Variants in ITGA8 observed in about 807,000 individuals in gnomAD.
ITGA8 encodes the protein integrin alpha-8.
ITGA8 carries 91 observed loss-of-function variants against 142.3 expected under a neutral mutation model. The observed-to-expected ratio is 0.64, with a 90% CI of 0.54 to 0.76. ITGA8 has a LOEUF of 0.76. ITGA8 is among the 30% of genes least tolerant of loss of function. The pLI is 0.00. For missense variants in ITGA8, 1,406 were observed against 1,327.7 expected, an observed-to-expected ratio of 1.06 and a Z score of -0.92; for synonymous variants, 505 against 485.2, an observed-to-expected ratio of 1.04 and a Z score of -0.54.
At chr10:15,612,582 C>T (rs1311280418) in intron 15 of ITGA8, among the ~76,000 whole-genome samples, 1 of 152,302 alleles carries the variant, frequency 6.6e-6, no homozygotes, top group Non-Finnish European at 1.5e-5. Context: ...GTGTTATAGT[C>T]AAGTTCCATC....
intron 25 of ITGA8, among the ~76,000 whole-genome samples, chr10:15,567,312 A>T (rs867348498): frequency 2.0e-5 from 3 of 152,180 alleles, no homozygotes; most frequent in Admixed American, 1.3e-4. Context: ...CCCATCAAAT[A>T]AGAAAATTGA....
chr10:15,582,080 C>T (rs142349353), intron 23 of ITGA8, among the ~76,000 whole-genome samples: 355 of 152,130 alleles, frequency 2.3e-3, no homozygotes, highest in African/African-American at 8.4e-3. Flanking sequence ...CTCCACAAAA[C>T]GTTTAAACAT....
chr10:15,673,808 A>G (rs890296445), intron 6 of ITGA8, among the ~76,000 whole-genome samples: 4 of 149,108 alleles, frequency 2.7e-5, no homozygotes, highest in Non-Finnish European at 4.4e-5. Context: ...TTGACGTGAT[A>G]AGAACTTTGG....
intron 13 of ITGA8, among the ~76,000 whole-genome samples, chr10:15,638,314 A>G (rs534068190): frequency 4.6e-5 from 7 of 152,324 alleles, no homozygotes; most frequent in South Asian, 4.1e-4. Flanking sequence ...CACATAAAAC[A>G]TCACAATCAG....
chr10:15,586,729 TA>T (rs1832839480), intron 22 of ITGA8, 65 bp from the exon 23 acceptor site: 1 of 927,294 alleles, frequency 1.1e-6, no homozygotes, highest in Admixed American at 1.8e-5. Flanking sequence ...TATATGATCA[TA>T]AAAAACATTC....
chr10:15,592,255 A>C lies in ITGA8; in HGVS notation c.2261T>G (p.Met754Arg), dbSNP rs1832936644. ...GATTTGGAGATCGAAGTTAATGCTC[A>C]TGTTTGTTTTCTCAAGACGTGGAAC... The part of the protein sequence containing the change: ...FAVPRLEKTN[M>R]SINFDLQIRS... Residue 754 changes from methionine (M) to arginine (R), a missense_variant, in exon 22 of 30, where the codon ATG becomes AGG. Coordinates refer to ENST00000378076, the MANE Select transcript of ITGA8 (RefSeq NM_003638.3). 1.9e-6 allele frequency: 3 copies of C among 1,613,876 alleles called. No homozygotes were observed. Among genetic ancestry groups the C allele is most frequent in the African/African-American group, 1.3e-5 (1 of 75,038 alleles).
rs559202401 is a variant in ITGA8, at chr10:15,680,850, G to C, written c.569-2067C>G. 4.0e-5 allele frequency among the ~76,000 whole-genome samples: 6 copies of C among 151,640 alleles called. No homozygotes were observed. In the South Asian group the frequency reaches 1.3e-3, roughly 32 times the overall value. On this transcript the variant is annotated intron_variant, in intron 4 of 29. Coordinates refer to ENST00000378076, the MANE Select transcript of ITGA8 (RefSeq NM_003638.3). ...TATTGTAAGTGGCAATTATAATAGA[G>C]TGTGAGGTTCTTTCCATTGCAAAGT...
rs777220160 is a variant in ITGA8 at position 15,607,781 on chromosome 10, T to C, written c.1660A>G (p.Lys554Glu). 9 of 1,611,378 alleles carry C rather than the reference T, an allele frequency of 5.6e-6. No homozygotes were observed. Among genetic ancestry groups the C allele is most frequent in the Non-Finnish European group, 7.6e-6 (9 of 1,178,660 alleles). The change falls in exon 17 of 30, where the codon AAA becomes GAA. Residue 554 changes from lysine (K) to glutamate (E), a missense_variant. Transcript: ENST00000378076. Reference protein sequence around the residue: ...LDSLKQKGAIKRTLFLDNHQA... With the variant: ...LDSLKQKGAIERTLFLDNHQA... ...TGGTTATCAAGGAAGAGCGTCCGTT[T>C]AATAGCTCCTTTCTGTTTCAGGGAA...
rs587777279 is a variant in ITGA8 at position 15,531,048 on chromosome 10, A to G, written c.2982+2T>C. ...TGCCTATATATATTTAAAGATACTC[A>G]CTACTATGCTTCCTTCTGGGAGTTT... On this transcript the variant is annotated splice_donor_variant, in intron 28 of 29. Coordinates refer to ENST00000378076, the MANE Select transcript of ITGA8 (RefSeq NM_003638.3). LOFTEE classifies it high-confidence loss of function. 7 of 1,374,810 alleles carry G rather than the reference A, an allele frequency of 5.1e-6. No individual in the cohort carries two copies. The highest frequency in any genetic ancestry group is 1.3e-5 in the South Asian group (1 of 76,512). 85.2% of individuals were successfully genotyped at this position (1,374,810 alleles called of 1,614,324 possible). A position where few individuals can be genotyped will look rare whatever the true frequency, so the allele number is the denominator to read the frequency against.
intron 13 of ITGA8, among the ~76,000 whole-genome samples, chr10:15,642,267 C>T (rs1833885196): frequency 6.6e-6 from 1 of 152,184 alleles, no homozygotes; most frequent in African/African-American, 2.4e-5. Context: ...ACTCATGCCT[C>T]TGTCCTTCCT....
At chr10:15,532,001 GT>G (rs1833309701) in intron 27 of ITGA8, among the ~76,000 whole-genome samples, 1 of 126,744 alleles carries the variant, frequency 7.9e-6, no homozygotes, top group South Asian at 2.6e-4. Flanking sequence ...TCACAACAGG[GT>G]TTCTTGGCCT....
intron 3 of ITGA8, among the ~76,000 whole-genome samples, chr10:15,686,038 T>C (rs9333088): frequency 1.3e-5 from 2 of 152,334 alleles, no homozygotes; most frequent in East Asian, 3.9e-4. Context: ...CTCCAAATAC[T>C]CATCTCTAAA....
chr10:15,675,963 T>G (rs1834621802), intron 6 of ITGA8, among the ~76,000 whole-genome samples: 2 of 152,174 alleles, frequency 1.3e-5, no homozygotes, highest in South Asian at 2.1e-4. Flanking sequence ...AAAGAATGGA[T>G]GATGTGAAAT....
chr10:15,580,946 T>C (rs555317720), intron 23 of ITGA8, among the ~76,000 whole-genome samples: 44 of 152,276 alleles, frequency 2.9e-4, no homozygotes, highest in African/African-American at 1.0e-3. Context: ...AGAAAAAAAA[T>C]GAAAGGCATA....
chr10:15,660,968 CAA>C, intron 8 of ITGA8, 46 bp from the exon 9 acceptor site: 3 of 1,431,226 alleles, frequency 2.1e-6, no homozygotes, highest in East Asian at 2.3e-5. Flanking sequence ...CTCACACACA[CAA>C]ACACACACAC....
chr10:15,535,248 G>T (rs1320234086), intron 27 of ITGA8, among the ~76,000 whole-genome samples: 1 of 152,110 alleles, frequency 6.6e-6, no homozygotes, highest in East Asian at 1.9e-4. Context: ...TGCAGCCCGA[G>T]CCTCCCTGAC....
intron 3 of ITGA8, among the ~76,000 whole-genome samples, chr10:15,686,018 G>A (rs1834827944): frequency 6.6e-6 from 1 of 152,136 alleles, no homozygotes; most frequent in Non-Finnish European, 1.5e-5. Flanking sequence ...TGTAAATATT[G>A]TACCTGATTC....
intron 26 of ITGA8, among the ~76,000 whole-genome samples, chr10:15,550,318 G>A (rs1056395920): frequency 6.6e-6 from 1 of 152,110 alleles, no homozygotes; most frequent in African/African-American, 2.4e-5. Context: ...CGTGAAAATG[G>A]ACCAATACAG....
intron 7 of ITGA8, among the ~76,000 whole-genome samples, chr10:15,671,957 G>T (rs1426078737): frequency 1.3e-5 from 2 of 151,466 alleles, no homozygotes; most frequent in African/African-American, 4.9e-5. Context: ...TCCACCTTGA[G>T]AGTAAATGGT....
Sources: allele counts gnomAD v4.1 joint callset (sites outside exome capture counted in the v4.1 genomes callset), GRCh38; gene constraint gnomAD v4.1.1; transcripts MANE v1.5; gene names NCBI Gene and HGNC (gene_info 2026-07-23, HGNC 2026-07-21).